The following HHLA2 variants were observed in gnomAD, a reference collection of about 807,000 sequenced individuals.
HHLA2 encodes the protein HERV-H LTR-associating protein 2.
HHLA2 carries 48 observed loss-of-function variants against 45.9 expected under a neutral mutation model. The ratio of observed to expected loss-of-function variants is 1.05; its 90% CI spans 0.83 to 1.33. The LOEUF is 1.33. HHLA2 is among the 40% of genes most tolerant of loss of function. The pLI, the probability that HHLA2 is intolerant of heterozygous loss-of-function variation, is 0.00. For missense variants in HHLA2, 462 were observed against 494.3 expected, an observed-to-expected ratio of 0.93 and a Z score of 0.62; for synonymous variants, 161 against 173.9, an observed-to-expected ratio of 0.93 and a Z score of 0.59.
intron 3 of HHLA2, among the ~76,000 whole-genome samples, chr3:108,344,393 T>C (rs1352002199): frequency 6.6e-6 from 1 of 152,240 alleles, no homozygotes; most frequent in Non-Finnish European, 1.5e-5. Flanking sequence ...TGATTTTTTT[T>C]CATCTTTGTT....
At chr3:108,328,160 AT>A in intron 2 of HHLA2, 1 of 528,570 alleles carries the variant, frequency 1.9e-6, no homozygotes, top group African/African-American at 2.0e-5. Flanking sequence ...TGTAGAAGTA[AT>A]TTTCAGTTTG....
At chr3:108,351,202 C>T (rs1489151092) in intron 3 of HHLA2, among the ~76,000 whole-genome samples, 1 of 152,034 alleles carries the variant, frequency 6.6e-6, no homozygotes. Flanking sequence ...TGCTTTGTAA[C>T]CCATGAATTT....
chr3:108,366,988 A>G (rs946083522), intron 8 of HHLA2, among the ~76,000 whole-genome samples: 1 of 152,208 alleles, frequency 6.6e-6, no homozygotes, highest in Non-Finnish European at 1.5e-5. Context: ...CCCCTCTGGG[A>G]CAAAGCCTCC....
At chr3:108,357,451 AG>A (rs1357308107) in intron 6 of HHLA2, among the ~76,000 whole-genome samples, 1 of 152,204 alleles carries the variant, frequency 6.6e-6, no homozygotes, top group Non-Finnish European at 1.5e-5. Flanking sequence ...ACTAGGGAGT[AG>A]GTAGGGTACC....
chr3:108,330,972 T>C (rs2951512), intron 3 of HHLA2, among the ~76,000 whole-genome samples: 131,545 of 152,132 alleles, frequency 0.86, 58,376 homozygotes, highest in Non-Finnish European at 0.93. Context: ...TGAATTGTGG[T>C]GAGGTCCCCA....
chr3:108,297,671 G>T (rs1473530582), intron 1 of HHLA2, among the ~76,000 whole-genome samples: 1 of 152,178 alleles, frequency 6.6e-6, no homozygotes, highest in Admixed American at 6.5e-5. Flanking sequence ...TAGCCTGAAA[G>T]TTTGGTGGCT....
At chr3:108,370,358 A>G (rs992365577) in intron 8 of HHLA2, among the ~76,000 whole-genome samples, 1 of 152,212 alleles carries the variant, frequency 6.6e-6, no homozygotes, top group Non-Finnish European at 1.5e-5. Flanking sequence ...AAAGGTAGAT[A>G]AAACCACAAA....
chr3:108,297,799 G>C (rs1219132962), intron 1 of HHLA2, among the ~76,000 whole-genome samples: 1 of 152,106 alleles, frequency 6.6e-6, no homozygotes, highest in African/African-American at 2.4e-5. Context: ...TTTTCCTCCA[G>C]GTGCTTAAAA....
chr3:108,347,095 G>A (rs144332315), intron 3 of HHLA2, among the ~76,000 whole-genome samples: 1 of 152,224 alleles, frequency 6.6e-6, no homozygotes, highest in Non-Finnish European at 1.5e-5. Context: ...GGCAACTTCA[G>A]TATAATCTAA....
chr3:108,330,756 G>A (rs1170608077), intron 3 of HHLA2, among the ~76,000 whole-genome samples: 6 of 152,098 alleles, frequency 3.9e-5, no homozygotes, highest in South Asian at 2.1e-4. Context: ...ACAGCTGGAC[G>A]GCAGCCTGGT....
At chr3:108,347,474 C>G (rs1174889155) in intron 3 of HHLA2, among the ~76,000 whole-genome samples, 1 of 152,036 alleles carries the variant, frequency 6.6e-6, no homozygotes, top group African/African-American at 2.4e-5. Context: ...CAGACAGGAC[C>G]AGGAGTGGTG....
intron 8 of HHLA2, among the ~76,000 whole-genome samples, chr3:108,374,435 T>TA (rs2082236832): frequency 6.7e-6 from 1 of 149,402 alleles, no homozygotes; most frequent in South Asian, 2.1e-4. Flanking sequence ...ACTTCATGTC[T>TA]AAAACACCAA....
exon 9 of HHLA2, chr3:108,375,797 C>G (rs888261081): frequency 1.2e-6 from 2 of 1,610,512 alleles, no homozygotes; most frequent in Non-Finnish European, 1.7e-6. Context: ...TGGAGCCCAA[C>G]AAGGTCAGCC....
At chr3:108,317,359 T>A (rs1345419670) in intron 2 of HHLA2, among the ~76,000 whole-genome samples, 1 of 152,160 alleles carries the variant, frequency 6.6e-6, no homozygotes, top group African/African-American at 2.4e-5. Context: ...AAGTCCCAGC[T>A]GTTGCTGATT....
chr3:108,332,094 G>T (rs2081395934), intron 3 of HHLA2, among the ~76,000 whole-genome samples: 1 of 152,142 alleles, frequency 6.6e-6, no homozygotes, highest in African/African-American at 2.4e-5. Flanking sequence ...GGAAACAAAG[G>T]ACATTCACTT....
At chr3:108,322,779 G>A (rs971834750) in intron 2 of HHLA2, among the ~76,000 whole-genome samples, 2 of 152,156 alleles carry the variant, frequency 1.3e-5, no homozygotes, top group South Asian at 2.1e-4. Flanking sequence ...CAGTCAGGAC[G>A]TCTCACCTAT....
intron 2 of HHLA2, chr3:108,311,734 A>C (rs1560190075): frequency 6.6e-6 from 1 of 152,180 alleles, no homozygotes; most frequent in African/African-American, 2.4e-5. Context: ...GGCCTGACAT[A>C]GATTTGATTA....
intron 2 of HHLA2, among the ~76,000 whole-genome samples, chr3:108,319,185 G>T (rs1056018434): frequency 1.3e-5 from 2 of 151,884 alleles, no homozygotes; most frequent in Non-Finnish European, 2.9e-5. Flanking sequence ...GACCCTAAAA[G>T]AAACCATAGT....
intron 3 of HHLA2, among the ~76,000 whole-genome samples, chr3:108,342,869 C>G (rs980364118): frequency 2.0e-5 from 3 of 152,152 alleles, no homozygotes; most frequent in Admixed American, 2.0e-4. Flanking sequence ...TCCTTAACAC[C>G]CTGCCCCTTC....
Sources: gnomAD v4.1 joint callset for allele counts (sites outside exome capture counted in the v4.1 genomes callset) on GRCh38, gnomAD v4.1.1 for gene constraint, MANE v1.5 for transcripts, NCBI Gene and HGNC (gene_info 2026-07-23, HGNC 2026-07-21) for gene names.